The following BCCIP variants were observed in gnomAD, a reference collection of about 807,000 sequenced individuals.
The protein encoded by BCCIP is BRCA2 and CDKN1A-interacting protein.
A neutral mutation model predicts 32.8 loss-of-function variants in BCCIP; 23 were observed. The ratio of observed to expected loss-of-function variants is 0.70; its 90% CI spans 0.51 to 0.99. The LOEUF (loss-of-function observed/expected upper bound fraction) is 0.99. Ranked by LOEUF, BCCIP falls within the 50% of genes least tolerant of loss-of-function variation. BCCIP has a pLI of 0.00. For missense variants in BCCIP, 378 were observed against 379.8 expected, an observed-to-expected ratio of 1.00 and a Z score of 0.04; for synonymous variants, 144 against 137.6, an observed-to-expected ratio of 1.05 and a Z score of -0.33.
At chr10:125,845,100 C>T (rs1015853159), downstream of BCCIP, among the ~76,000 whole-genome samples, 2 of 152,182 alleles carry the variant, frequency 1.3e-5, no homozygotes, top group African/African-American at 2.4e-5. Flanking sequence ...GCCGATGCAG[C>T]GCTAACTCCA....
At chr10:125,841,814 G>A (rs1854887242) in exon 7 of BCCIP, 3 of 1,613,740 alleles carry the variant, frequency 1.9e-6, no homozygotes, top group African/African-American at 1.3e-5. Context: ...GATAGACTTC[G>A]AGAGTTGTGG....
In BCCIP at chr10:125,826,344, C is replaced by A. The variant is rs1194457268; in HGVS notation, c.166-247C>A. 28 of 506,424 alleles carry A rather than the reference C, an allele frequency of 5.5e-5. No homozygotes were observed. The East Asian group carries it at 1.3e-3, about 23-fold the overall frequency. 31.4% of individuals were successfully genotyped at this position (506,424 alleles called of 1,614,324 possible). ...GAAGTGATTTTGATTTTTGCCCACC[C>A]TTGTAATCAGGAAAATAATTTATCC... On this transcript the variant is annotated intron_variant, in intron 1 of 6. Coordinates refer to ENST00000278100, the MANE Select transcript of BCCIP (RefSeq NM_078468.3).
intron 6 of BCCIP, among the ~76,000 whole-genome samples, chr10:125,835,634 G>A (rs530202303): frequency 5.9e-5 from 9 of 152,240 alleles, no homozygotes; most frequent in African/African-American, 1.7e-4. Context: ...AACACCTCAG[G>A]TTGACCATTT....
chr10:125,849,149 C>T (rs1420513788), intron 7 of BCCIP, among the ~76,000 whole-genome samples: 1 of 152,206 alleles, frequency 6.6e-6, no homozygotes, highest in Non-Finnish European at 1.5e-5. Context: ...TGTCTGAATT[C>T]ATCGCAAAAT....
At chr10:125,836,907 G>A, downstream of BCCIP, 2 of 1,529,914 alleles carry the variant, frequency 1.3e-6, no homozygotes, top group Non-Finnish European at 1.8e-6. Flanking sequence ...GGTGGTGAGA[G>A]ACACCAAACA....
At chr10:125,844,014 T>C (rs1854947820), downstream of BCCIP, among the ~76,000 whole-genome samples, 2 of 152,222 alleles carry the variant, frequency 1.3e-5, no homozygotes, top group Admixed American at 1.3e-4. Flanking sequence ...CTCAGAGATA[T>C]TCCTGTCCTG....
chr10:125,826,239 A>T, intron 1 of BCCIP: 2 of 269,822 alleles, frequency 7.4e-6, no homozygotes, highest in South Asian at 7.8e-5. Flanking sequence ...ATTGATACTT[A>T]ATAAATATTT....
chr10:125,838,941 A>G, downstream of BCCIP: 1 of 1,510,190 alleles, frequency 6.6e-7, no homozygotes. Flanking sequence ...TGTTGGCAGC[A>G]TATCCTGAGT....
chr10:125,844,900 C>G (rs1943991882), downstream of BCCIP, among the ~76,000 whole-genome samples: 1 of 152,220 alleles, frequency 6.6e-6, no homozygotes, highest in African/African-American at 2.4e-5. Flanking sequence ...AGGTCACACT[C>G]CTCCTCCACT....
exon 7 of BCCIP, chr10:125,841,636 CTA>C (rs1480772858): frequency 6.7e-7 from 1 of 1,493,068 alleles, no homozygotes; most frequent in Non-Finnish European, 8.8e-7. Context: ...GAGTTGATCA[CTA>C]TCTCTGCTCT....
At chr10:125,836,580 G>A (rs1391084746), downstream of BCCIP, 14 of 1,423,618 alleles carry the variant, frequency 9.8e-6, no homozygotes, top group East Asian at 4.7e-5. Flanking sequence ...CTTCAAGACC[G>A]TCCTGTGGAT....
At chr10:125,840,925 G>T (rs780155953), downstream of BCCIP, 3 of 1,612,786 alleles carry the variant, frequency 1.9e-6, no homozygotes, top group Non-Finnish European at 2.5e-6. Flanking sequence ...CCTTCGGGAT[G>T]TAAAAATGTC....
exon 7 of BCCIP, chr10:125,842,797 T>C: frequency 4.2e-6 from 4 of 951,088 alleles, no homozygotes; most frequent in Non-Finnish European, 3.8e-6. Context: ...GAAATAAAGA[T>C]AGCAAGCTGA....
intron 3 of BCCIP, among the ~76,000 whole-genome samples, chr10:125,829,005 C>A (rs951963887): frequency 4.6e-5 from 7 of 152,150 alleles, no homozygotes; most frequent in African/African-American, 1.7e-4. Context: ...AAGAAGCAGG[C>A]AGAAGTGATA....
At chr10:125,827,702 CA>C (rs2134007610) in intron 3 of BCCIP, 64 bp downstream of exon 3, 1 of 1,280,842 alleles carries the variant, frequency 7.8e-7, no homozygotes, top group East Asian at 2.3e-5. Context: ...TGCTGGGCCT[CA>C]CCATGCTTGT....
At chr10:125,845,399 G>A (rs1045874409), downstream of BCCIP, among the ~76,000 whole-genome samples, 2 of 152,210 alleles carry the variant, frequency 1.3e-5, no homozygotes, top group Non-Finnish European at 2.9e-5. Context: ...TTATGCAAAT[G>A]TATGCCAACA....
chr10:125,833,572 A>G lies in BCCIP; in HGVS notation c.600-200A>G, dbSNP rs1265224400. 2.0e-5 allele frequency among the ~76,000 whole-genome samples: 3 copies of G among 152,254 alleles called. No homozygotes were observed. The East Asian group carries it at 5.8e-4, about 29-fold the overall frequency. On this transcript the variant is annotated intron_variant, in intron 5 of 6. Coordinates refer to ENST00000278100, the MANE Select transcript of BCCIP (RefSeq NM_078468.3). ...CATAATCTGAGAGATATATCATAGT[A>G]TTATAAAAAGTAATACATAATCTAA...
chr10:125,849,675 C>T (rs923891263), intron 7 of BCCIP, among the ~76,000 whole-genome samples: 6 of 152,192 alleles, frequency 3.9e-5, no homozygotes, highest in African/African-American at 1.4e-4. Flanking sequence ...ATGGGGAGGG[C>T]CACATGTGAG....
downstream of BCCIP, chr10:125,841,536 GT>G: frequency 7.0e-7 from 1 of 1,425,724 alleles, no homozygotes; most frequent in Non-Finnish European, 9.1e-7. Flanking sequence ...TGAACTTTGA[GT>G]TAGTTTTCTT....
Sources: gnomAD v4.1 joint callset for allele counts (sites outside exome capture counted in the v4.1 genomes callset) on GRCh38, gnomAD v4.1.1 for gene constraint, MANE v1.5 for transcripts, NCBI Gene and HGNC (gene_info 2026-07-23, HGNC 2026-07-21) for gene names.